The following SARDH variants were observed in gnomAD, a reference collection of about 807,000 sequenced individuals.
The protein encoded by SARDH is sarcosine dehydrogenase, mitochondrial.
A neutral mutation model predicts 109.1 loss-of-function variants in SARDH; 95 were observed. That is an observed-to-expected ratio of 0.87 (90% CI 0.74 to 1.03). SARDH has a LOEUF of 1.03. Among genes scored for constraint, SARDH ranks in the 50% least tolerant of loss-of-function variants. The pLI is 0.00. For synonymous variants in SARDH, 572 were observed against 534.8 expected (o/e 1.07, Z -0.96); for missense variants, 1,267 against 1,287.8 (o/e 0.98, Z 0.25).
intron 8 of SARDH, among the ~76,000 whole-genome samples, chr9:133,714,355 G>A (rs12006070): frequency 0.014 from 2,146 of 152,326 alleles, 59 homozygotes; most frequent in African/African-American, 0.05. Flanking sequence ...AGGGGAGGGT[G>A]GAGGAGGCAG....
chr9:133,664,130 C>A, intron 20 of SARDH, 116 bp from the exon 21 acceptor site: 1 of 1,370,708 alleles, frequency 7.3e-7, no homozygotes, highest in Non-Finnish European at 9.9e-7. Context: ...TGGGCAAACT[C>A]ATCCCTGTGC....
At chr9:133,735,170 C>T (rs1008983346) in intron 1 of SARDH, among the ~76,000 whole-genome samples, 1 of 152,202 alleles carries the variant, frequency 6.6e-6, no homozygotes, top group Non-Finnish European at 1.5e-5. Flanking sequence ...TGGGCAGGCC[C>T]CTCCCAAACC....
At chr9:133,661,114 C>A (rs934202510), downstream of SARDH, among the ~76,000 whole-genome samples, 4 of 151,918 alleles carry the variant, frequency 2.6e-5, no homozygotes, top group Non-Finnish European at 5.9e-5. Flanking sequence ...CTGAGGCGGG[C>A]GGATCACCTG....
At chr9:133,674,351 A>G (rs1052345441) in intron 17 of SARDH, among the ~76,000 whole-genome samples, 3 of 152,344 alleles carry the variant, frequency 2.0e-5, no homozygotes, top group Admixed American at 6.5e-5. Flanking sequence ...CACCAAGCAC[A>G]TGGTCCCGGC....
chr9:133,663,990 C>A lies in SARDH; in HGVS notation c.2656G>T (p.Gly886Trp). The change falls in exon 21 of 21, where the codon GGG becomes TGG. Residue 886 changes from glycine to tryptophan, a missense_variant. Coordinates refer to ENST00000439388, the MANE Select transcript of SARDH (RefSeq NM_001134707.2). ...CCCATTCTCTCCAGGGCATAGTCCC[C>A]GCTCTTCACAAAGTCCAGCGAGACC... ...GPVSLDFVKSGDYALERMGVT... is the reference protein window; with the variant it reads ...GPVSLDFVKSWDYALERMGVT... The A allele has an allele frequency of 6.2e-7, 1 of 1,614,138 alleles. No homozygotes were observed. The highest frequency in any genetic ancestry group is 8.5e-7 in the Non-Finnish European group (1 of 1,180,008).
In SARDH at chr9:133,712,912, C is replaced by T. The variant is rs995018275; in HGVS notation, c.1237+126G>A. 3.8e-6 allele frequency: 4 copies of T among 1,042,244 alleles called. No homozygotes were observed. Among genetic ancestry groups the T allele is most frequent in the Middle Eastern group, 2.9e-4 (1 of 3,488 alleles). The allele number at this position is 1,042,244 out of a possible 1,614,324, so 64.6% of individuals were successfully genotyped here. ...TCTCTGGGAAGCAGAAGGGGCTGGA[C>T]TCCCCAGCCTCTCCTGTCCCCACCA... is the stretch of plus-strand genomic sequence containing the variant. On this transcript the variant is annotated intron_variant, in intron 9 of 20. Transcript: ENST00000439388. This position sits in a 1 kb window ranked among gnomAD's most constrained non-coding sequence, Gnocchi z 4.1.
chr9:133,662,592 C>T (rs930804552), downstream of SARDH, among the ~76,000 whole-genome samples: 4 of 152,242 alleles, frequency 2.6e-5, no homozygotes, highest in Non-Finnish European at 4.4e-5. This position sits in a 1 kb window ranked among gnomAD's most constrained non-coding sequence, Gnocchi z 5.1. Flanking sequence ...CCACTTTTCA[C>T]AGCCATCTGT....
At chr9:133,676,879 C>T (rs1479107103) in intron 17 of SARDH, among the ~76,000 whole-genome samples, 5 of 152,232 alleles carry the variant, frequency 3.3e-5, no homozygotes, top group African/African-American at 1.2e-4. Context: ...TGGCTCACGC[C>T]TGCAATCCCA....
In SARDH at chr9:133,666,876, A is replaced by G; in HGVS notation, c.2496-6T>C. 6.2e-7 allele frequency: 1 copy of G among 1,612,358 alleles called. No individual in the cohort carries two copies. The highest frequency in any genetic ancestry group is 2.2e-5 in the East Asian group (1 of 44,864). ...GGCCAAACATGGGTACTTTGCTGGA[A>G]GAAGCAGTAGAGAAAGCTGGGGCCC... On this transcript the variant is annotated splice_polypyrimidine_tract_variant and splice_region_variant and intron_variant, in intron 19 of 20. Transcript: ENST00000439388. This position sits in a 1 kb window ranked among gnomAD's most constrained non-coding sequence, Gnocchi z 5.2.
chr9:133,693,716 C>T lies in SARDH; in HGVS notation c.1921+542G>A, dbSNP rs187854944. Among the ~76,000 whole-genome samples, 24 of 152,280 alleles carry T rather than the reference C, an allele frequency of 1.6e-4. No homozygotes were observed. The highest frequency in any genetic ancestry group is 3.9e-4 in the Admixed American group (6 of 15,292). ...TCCTGGCTCTGCGTAACAGTTGGGG[C>T]TGAGCAAACAAGGGATGAAGGTACT... is the stretch of plus-strand genomic sequence containing the variant. On this transcript the variant is annotated intron_variant, in intron 15 of 20. Transcript: ENST00000439388. The surrounding 1 kb of genome is among the most constrained non-coding windows in gnomAD (Gnocchi z 5.6).
Position 133,734,245 on chromosome 9 carries a change from C to T in SARDH, c.-30-42G>A, listed in dbSNP as rs575836687. The stretch of plus-strand genomic sequence containing the variant: ...AGCTGGGTGGGGTGCAGAGGGGACA[C>T]GCTGGGGGCTGTGCTGAGTACCCAG... On this transcript the variant is annotated intron_variant, in intron 1 of 20. Coordinates refer to ENST00000439388, the MANE Select transcript of SARDH (RefSeq NM_001134707.2). 2.2e-4 allele frequency: 300 copies of T among 1,362,104 alleles called. 1 individual carries two copies. The highest frequency in any genetic ancestry group is 2.5e-4 in the Non-Finnish European group (260 of 1,027,466). The allele number at this position is 1,362,104 out of a possible 1,614,324, so 84.4% of individuals were successfully genotyped here. A position where few individuals can be genotyped will look rare whatever the true frequency, so the allele number is the denominator to read the frequency against.
intron 13 of SARDH, among the ~76,000 whole-genome samples, chr9:133,698,382 A>T (rs1331764887): frequency 6.6e-5 from 10 of 152,202 alleles, no homozygotes; most frequent in Non-Finnish European, 1.2e-4. Context: ...CCCTATCAAA[A>T]TTCTCAGCTG....
chr9:133,738,569 C>T (rs1441687002), upstream of SARDH, among the ~76,000 whole-genome samples: 1 of 152,248 alleles, frequency 6.6e-6, no homozygotes, highest in Non-Finnish European at 1.5e-5. Flanking sequence ...CGCTCCAACC[C>T]TCATTTCCTC....
rs1830102302 is a variant in SARDH, at chr9:133,667,157, C to G, written c.2496-287G>C. ...CGAGCCCCGTATATTTGGGAGGGCC[C>G]CTGCTTCCGATTTCCTTCCATTGTT... On this transcript the variant is annotated intron_variant, in intron 19 of 20. Transcript: ENST00000439388. The G allele has an allele frequency of 5.4e-6, 3 of 557,750 alleles. No individual in the cohort carries two copies. The South Asian group carries it at 7.8e-5, about 15-fold the overall frequency. The allele number at this position is 557,750 out of a possible 1,614,324, so 34.6% of individuals were successfully genotyped here.
At position 133,734,037 on chromosome 9, in the gene SARDH, A is replaced by C; in HGVS notation, c.137T>G (p.Leu46Arg). The change falls in exon 2 of 21, where the codon CTG becomes CGG. Residue 46 changes from leucine to arginine, a missense_variant. By Grantham distance (102) the Leu-to-Arg change is moderately radical. Transcript: ENST00000439388. ...AEKSVPYQRTLKEGQGTSVVA... is the reference protein window; with the variant it reads ...AEKSVPYQRTRKEGQGTSVVA... Reference sequence around the variant, plus strand: ...CACCGAGGTGCCCTGTCCCTCCTTCAGGGTCCGCTGATATGGCACACTCTT... The same window carrying C: ...CACCGAGGTGCCCTGTCCCTCCTTCCGGGTCCGCTGATATGGCACACTCTT... 1 of 1,613,254 alleles carries C rather than the reference A, an allele frequency of 6.2e-7. No individual in the cohort carries two copies. Among genetic ancestry groups the C allele is most frequent in the East Asian group, 2.2e-5 (1 of 44,876 alleles).
intron 17 of SARDH, among the ~76,000 whole-genome samples, chr9:133,673,010 C>T (rs868547535): frequency 2.6e-5 from 4 of 152,212 alleles, no homozygotes; most frequent in Admixed American, 6.5e-5. Context: ...GCCCTTGCAA[C>T]GGTGGGAACA....
At chr9:133,713,747 A>G (rs1189837538) in intron 8 of SARDH, among the ~76,000 whole-genome samples, 1 of 152,206 alleles carries the variant, frequency 6.6e-6, no homozygotes. Context: ...CTGGATTCAA[A>G]ACCTGCTTCA....
chr9:133,703,242 G>C, intron 12 of SARDH: 1 of 569,812 alleles, frequency 1.8e-6, no homozygotes, highest in Non-Finnish European at 3.2e-6. Context: ...AGGGTTGCCT[G>C]GTGGGTCTGA....
In SARDH at chr9:133,686,771, G is replaced by A. The variant is rs1377074871; in HGVS notation, c.2070-1485C>T. Among the ~76,000 whole-genome samples the A allele has an allele frequency of 3.3e-5, 5 of 152,142 alleles. No homozygotes were observed. The highest frequency in any genetic ancestry group is 1.2e-4 in the African/African-American group (5 of 41,422). Reference sequence around the variant, plus strand: ...CCCTAATCCCAATCGTCACAGTGCTGGGAGCCGCCACCCACGTCAGCCTGA... The same window carrying A: ...CCCTAATCCCAATCGTCACAGTGCTAGGAGCCGCCACCCACGTCAGCCTGA... On this transcript the variant is annotated intron_variant, in intron 16 of 20. Transcript: ENST00000439388. The surrounding 1 kb of genome is among the most constrained non-coding windows in gnomAD (Gnocchi z 4.0).
Sources: allele counts gnomAD v4.1 joint callset (sites outside exome capture counted in the v4.1 genomes callset), GRCh38; gene constraint gnomAD v4.1.1; non-coding constraint Gnocchi (gnomAD v3.1); transcripts MANE v1.5; gene names NCBI Gene and HGNC (gene_info 2026-07-23, HGNC 2026-07-21).